The following SPRY3 variants were observed in gnomAD, a reference collection of about 807,000 sequenced individuals.
SPRY3 encodes the protein sprouty RTK signaling antagonist 3, also known as protein sprouty homolog 3.
In SPRY3, 15 loss-of-function variants were observed where a neutral mutation model predicts 20.2. The observed-to-expected ratio is 0.74, with a 90% CI of 0.50 to 1.14. SPRY3 has a LOEUF of 1.14. Among genes scored for constraint, SPRY3 ranks in the 50% most tolerant of loss-of-function variants. SPRY3 has a pLI of 0.00. For missense variants in SPRY3, 364 were observed against 363.9 expected (o/e 1.00, Z 0.00); for synonymous variants, 143 against 136.5 (o/e 1.05, Z -0.33).
chrX:155,768,255 G>GCCCAA (rs1471576175), intron 3 of SPRY3, 119 bp downstream of exon 2: 14 of 151,350 alleles, frequency 9.3e-5, no homozygotes, highest in African/African-American at 3.4e-4. Context: ...CGCGCGCTTG[G>GCCCAA]GCGCGCGCGC....
At chrX:155,633,210 C>A (rs2067912031) in intron 1 of SPRY3, among the ~76,000 whole-genome samples, 1 of 108,757 alleles carries the variant, frequency 9.2e-6, no homozygotes, top group Non-Finnish European at 1.9e-5. Flanking sequence ...AATGGAAATT[C>A]ATGGCTCCTC....
chrX:155,671,085 A>T (rs1008680865), intron 2 of SPRY3, among the ~76,000 whole-genome samples: 1 of 111,681 alleles, frequency 9.0e-6, no homozygotes, highest in Admixed American at 9.5e-5. Flanking sequence ...CCACCTTGTG[A>T]GGCTTTAGAA....
At chrX:155,775,441 TTTCC>T (rs1179789806) in exon 4 of SPRY3, 2 of 167,350 alleles carry the variant, frequency 1.2e-5, no homozygotes, top group East Asian at 3.9e-4. Flanking sequence ...AAGTGCTGTT[TTTCC>T]ATAGATGTTT....
At chrX:155,622,552 G>A (rs2067874816) in intron 1 of SPRY3, among the ~76,000 whole-genome samples, 1 of 111,622 alleles carries the variant, frequency 9.0e-6, no homozygotes, top group East Asian at 2.8e-4. Flanking sequence ...AGATACCTAG[G>A]GCATGACTTT....
chrX:155,707,782 T>C (rs941727945), intron 2 of SPRY3, among the ~76,000 whole-genome samples: 3 of 151,214 alleles, frequency 2.0e-5, no homozygotes, highest in African/African-American at 7.3e-5. Flanking sequence ...TTTCCATCCT[T>C]TTACTTTCAA....
intron 2 of SPRY3, among the ~76,000 whole-genome samples, chrX:155,719,415 G>A (rs1402268062): frequency 6.6e-6 from 1 of 152,080 alleles, no homozygotes; most frequent in African/African-American, 2.4e-5. Flanking sequence ...CTCTAGGCGA[G>A]TCCTAGTGCT....
chrX:155,664,113 G>A (rs2068017864), intron 2 of SPRY3, among the ~76,000 whole-genome samples: 1 of 110,621 alleles, frequency 9.0e-6, no homozygotes. Flanking sequence ...AAATTACAAA[G>A]TGTATAGAAA....
chrX:155,653,212 A>G (rs182265927), intron 1 of SPRY3, among the ~76,000 whole-genome samples: 112 of 111,220 alleles, frequency 1.0e-3, no homozygotes, highest in Non-Finnish European at 1.9e-3. Context: ...TCACCTCTTA[A>G]TAATGTCTTT....
intron 2 of SPRY3, among the ~76,000 whole-genome samples, chrX:155,732,858 C>T (rs2091142975): frequency 6.6e-6 from 1 of 151,860 alleles, no homozygotes; most frequent in African/African-American, 2.4e-5. Flanking sequence ...ACGTGGATGG[C>T]ACTGGAGGTC....
chrX:155,632,237 A>ACACACACACACACACACACACG (rs1371308911), intron 1 of SPRY3, among the ~76,000 whole-genome samples: 4 of 109,924 alleles, frequency 3.6e-5, no homozygotes, highest in Non-Finnish European at 7.6e-5. Context: ...ACACACACAC[A>ACACACACACACACACACACACG]CACACACACG....
intron 2 of SPRY3, among the ~76,000 whole-genome samples, chrX:155,749,878 G>T (rs1015308017): frequency 6.6e-6 from 1 of 151,756 alleles, no homozygotes; most frequent in Non-Finnish European, 1.5e-5. Context: ...TGAATACCCA[G>T]TGGGATACAT....
intron 2 of SPRY3, among the ~76,000 whole-genome samples, chrX:155,710,017 T>G (rs1221387930): frequency 6.6e-6 from 1 of 151,778 alleles, no homozygotes; most frequent in Non-Finnish European, 1.5e-5. Context: ...TCCATTGGCC[T>G]ATGTGTATAT....
chrX:155,635,775 C>G (rs782300698), intron 1 of SPRY3, among the ~76,000 whole-genome samples: 6 of 111,716 alleles, frequency 5.4e-5, no homozygotes, highest in African/African-American at 2.0e-4. Context: ...GGACTGTAAA[C>G]TAGTTCAACC....
chrX:155,751,963 TAA>T (rs1296250703), intron 2 of SPRY3, among the ~76,000 whole-genome samples: 13 of 133,590 alleles, frequency 9.7e-5, no homozygotes, highest in Admixed American at 4.3e-4. Context: ...TAAAATAAAA[TAA>T]AATAAAATAA....
At chrX:155,664,856 T>A (rs1557354164) in intron 2 of SPRY3, among the ~76,000 whole-genome samples, 2 of 109,248 alleles carry the variant, frequency 1.8e-5, no homozygotes, top group South Asian at 7.7e-4. Flanking sequence ...CTTTATGATA[T>A]CTAGATGGGA....
intron 1 of SPRY3, among the ~76,000 whole-genome samples, chrX:155,620,538 A>C (rs1557349312): frequency 8.9e-6 from 1 of 112,019 alleles, no homozygotes; most frequent in Admixed American, 9.5e-5. Context: ...ACGTAGATGA[A>C]CCTCAAAAAC....
intron 2 of SPRY3, among the ~76,000 whole-genome samples, chrX:155,716,981 A>ATATATATATATAT (rs2091027297): frequency 1.6e-5 from 1 of 63,500 alleles, no homozygotes; most frequent in Non-Finnish European, 2.9e-5. Context: ...TAAAATACAA[A>ATATATATATATAT]ATATATATAT....
chrX:155,728,521 G>A (rs1403237176), intron 2 of SPRY3, among the ~76,000 whole-genome samples: 1 of 152,198 alleles, frequency 6.6e-6, no homozygotes, highest in Non-Finnish European at 1.5e-5. Context: ...AGCAATGGTG[G>A]ACGCCCCTCC....
At chrX:155,720,500 G>A (rs768371704) in intron 2 of SPRY3, among the ~76,000 whole-genome samples, 12 of 152,248 alleles carry the variant, frequency 7.9e-5, no homozygotes, top group African/African-American at 7.2e-5. Flanking sequence ...TCAAGACCCC[G>A]TGCTGTACTG....
Sources: gnomAD v4.1 joint callset for allele counts (sites outside exome capture counted in the v4.1 genomes callset) on GRCh38, gnomAD v4.1.1 for gene constraint, MANE v1.5 for transcripts, NCBI Gene and HGNC (gene_info 2026-07-23, HGNC 2026-07-21) for gene names.